The following RIC1 variants were observed in gnomAD, a reference collection of about 807,000 sequenced individuals.
The protein encoded by RIC1 is RIC1 partner of RAB6A GEF complex.
In RIC1, 88 loss-of-function variants were observed where a neutral mutation model predicts 169.0. The observed-to-expected ratio is 0.52, with a 90% confidence interval of 0.44 to 0.62. The LOEUF is 0.62. Among genes scored for constraint, RIC1 ranks in the 20% least tolerant of loss-of-function variants. The pLI is 0.00. For missense variants in RIC1, 1,877 were observed against 1,725.5 expected (o/e 1.09, Z -1.56); for synonymous variants, 790 against 601.5 (o/e 1.31, Z -4.59).
At chr9:5,673,405 G>T (rs1820230030) in intron 2 of RIC1, among the ~76,000 whole-genome samples, 1 of 151,336 alleles carries the variant, frequency 6.6e-6, no homozygotes, top group Non-Finnish European at 1.5e-5. Flanking sequence ...GTGTTACTGG[G>T]AATTAATGTA....
intron 17 of RIC1, among the ~76,000 whole-genome samples, chr9:5,760,720 AT>A: frequency 6.6e-6 from 1 of 152,114 alleles, no homozygotes; most frequent in African/African-American, 2.4e-5. Context: ...TAGATAACCA[AT>A]TTTTTTATTT....
At chr9:5,754,055 C>T (rs750658486) in intron 14 of RIC1, among the ~76,000 whole-genome samples, 2 of 152,032 alleles carry the variant, frequency 1.3e-5, no homozygotes, top group Admixed American at 6.6e-5. Context: ...TGTACATATA[C>T]GCATGCAGTT....
intron 6 of RIC1, among the ~76,000 whole-genome samples, chr9:5,727,569 C>G (rs1012128503): frequency 5.9e-5 from 9 of 152,338 alleles, no homozygotes; most frequent in East Asian, 1.9e-4. Flanking sequence ...CTCCATCGAG[C>G]TTTGTTCCAT....
At chr9:5,725,800 C>T (rs1823938098) in intron 6 of RIC1, among the ~76,000 whole-genome samples, 1 of 152,054 alleles carries the variant, frequency 6.6e-6, no homozygotes, top group African/African-American at 2.4e-5. Context: ...TTATTTCTGC[C>T]TTCATTTCGT....
rs182041709 is a variant in RIC1 at position 5,669,361 on chromosome 9, A to G, written c.252+12671A>G. Among the ~76,000 whole-genome samples the G allele has an allele frequency of 4.9e-4, 74 of 152,282 alleles. 1 individual carries two copies. In the East Asian group the frequency reaches 0.01, roughly 21 times the overall value. On this transcript the variant is annotated intron_variant, in intron 2 of 25. Transcript: ENST00000414202. The stretch of plus-strand genomic sequence containing the variant: ...TTGTGTTCTCACAGCTTAGCTCCCA[A>G]TTATGAGTGAGAACGTAGGATGTTT...
chr9:5,705,192 G>GTTTTTT (rs35035828), intron 3 of RIC1, among the ~76,000 whole-genome samples: 2 of 113,406 alleles, frequency 1.8e-5, no homozygotes, highest in African/African-American at 3.2e-5. Flanking sequence ...TCCCATTTCT[G>GTTTTTT]TTTTTTTTTT....
At chr9:5,713,811 T>C in intron 3 of RIC1, 85 bp from the exon 4 acceptor site, 1 of 778,430 alleles carries the variant, frequency 1.3e-6, no homozygotes, top group Non-Finnish European at 2.1e-6. Context: ...TTTTATTTCA[T>C]TTACTTTATT....
At chr9:5,637,936 G>A (rs562066002) in intron 1 of RIC1, among the ~76,000 whole-genome samples, 3 of 152,296 alleles carry the variant, frequency 2.0e-5, no homozygotes, top group African/African-American at 7.2e-5. Flanking sequence ...AGATCTTAGA[G>A]GAAAGGCTTT....
chr9:5,747,372 C>G lies in RIC1; in HGVS notation c.1319C>G (p.Thr440Ser), dbSNP rs768057439. Residue 440 changes from threonine (T) to serine (S), a missense_variant, in exon 12 of 26, where the codon ACC becomes AGC. Thr to Ser is a moderately conservative substitution (Grantham distance 58, BLOSUM62 1). Coordinates refer to ENST00000414202, the MANE Select transcript of RIC1 (RefSeq NM_020829.4). Reference sequence around the variant, plus strand: ...TTGAACTGTGGAGAGGCTTCACAAACCCAGAATCCCAGGAGTTCTTCAACA... The same window carrying G: ...TTGAACTGTGGAGAGGCTTCACAAAGCCAGAATCCCAGGAGTTCTTCAACA... ...LYLNCGEASQ[T>S]QNPRSSSTHS... 6 of 1,613,882 alleles carry G rather than the reference C, an allele frequency of 3.7e-6. No individual in the cohort carries two copies. The Admixed American group carries it at 1.0e-4, about 27-fold the overall frequency.
At chr9:5,666,463 C>T (rs1819769930) in intron 2 of RIC1, among the ~76,000 whole-genome samples, 2 of 152,012 alleles carry the variant, frequency 1.3e-5, no homozygotes, top group Middle Eastern at 3.4e-3. Flanking sequence ...TTATCTTGTT[C>T]TTGTTCTAGC....
chr9:5,734,241 G>T (rs184276157), intron 7 of RIC1, among the ~76,000 whole-genome samples: 1 of 151,656 alleles, frequency 6.6e-6, no homozygotes, highest in South Asian at 2.1e-4. Flanking sequence ...TGAGTAGCTC[G>T]GATTGCAGGC....
At chr9:5,742,797 T>TTAAA in intron 8 of RIC1, 72 bp from the exon 9 acceptor site, 1 of 798,620 alleles carries the variant, frequency 1.3e-6, no homozygotes, top group Non-Finnish European at 1.8e-6. Flanking sequence ...AGATTGTATT[T>TTAAA]GAAAAAAAAA....
intron 4 of RIC1, among the ~76,000 whole-genome samples, chr9:5,717,318 C>CT (rs1480747515): frequency 3.3e-5 from 5 of 151,970 alleles, no homozygotes; most frequent in African/African-American, 1.2e-4. Flanking sequence ...CAGTGATTTT[C>CT]TAGGGAGATA....
chr9:5,684,290 C>G (rs1821069725), intron 2 of RIC1, among the ~76,000 whole-genome samples: 1 of 28,564 alleles, frequency 3.5e-5, no homozygotes, highest in Non-Finnish European at 2.3e-4. Context: ...CCCCCCCCCC[C>G]CCCCCCCCCC....
rs148100937 is a variant in RIC1, at chr9:5,743,575, G to A, written c.1047-114G>A. ...AGTTTTGTATTTCATGCATTATTAT[G>A]TATTTCTATTTTAAAGGAGCAAAAT... On this transcript the variant is annotated intron_variant, in intron 9 of 25. Transcript: ENST00000414202. 2.3e-3 allele frequency: 1,808 copies of A among 777,072 alleles called. 19 individuals are homozygous for A. The African/African-American group carries it at 0.029, about 13-fold the overall frequency. 48.1% of individuals were successfully genotyped at this position (777,072 alleles called of 1,614,324 possible). A position where few individuals can be genotyped will look rare whatever the true frequency, so the allele number is the denominator to read the frequency against.
chr9:5,704,878 C>T (rs1822471979), intron 3 of RIC1, among the ~76,000 whole-genome samples: 1 of 152,012 alleles, frequency 6.6e-6, no homozygotes, highest in South Asian at 2.1e-4. Flanking sequence ...CAACTTAATT[C>T]TTTCGTAAAT....
chr9:5,652,018 G>A (rs769207065), intron 1 of RIC1, among the ~76,000 whole-genome samples: 2 of 152,166 alleles, frequency 1.3e-5, no homozygotes, highest in Admixed American at 6.5e-5. Flanking sequence ...TTGAAAATCA[G>A]TTGGCTGTAA....
In RIC1 at chr9:5,720,611, CAGT is replaced by C. The variant is rs755756115; in HGVS notation, c.584_586del (p.Val195del). Reference sequence around the variant, plus strand: ...TATTTCATGTGCTTATTTTTTTCATCAGTAGGTTCATTCCTGGGCTTCACAGAC... The same window carrying C: ...TATTTCATGTGCTTATTTTTTTCATCAGGTTCATTCCTGGGCTTCACAGAC... On this transcript the variant is annotated splice_acceptor_variant and coding_sequence_variant, in exon 6 of 26. Transcript: ENST00000414202. LOFTEE classifies it high-confidence loss of function. 11 of 1,577,994 alleles carry C rather than the reference CAGT, an allele frequency of 7.0e-6. No individual in the cohort carries two copies. Among genetic ancestry groups the C allele is most frequent in the African/African-American group, 5.5e-5 (4 of 72,404 alleles).
intron 3 of RIC1, among the ~76,000 whole-genome samples, chr9:5,703,973 G>A (rs1216777739): frequency 6.6e-6 from 1 of 151,288 alleles, no homozygotes; most frequent in Non-Finnish European, 1.5e-5. Context: ...CTGCCAGACT[G>A]TTTTCCCACA....
Sources: allele counts gnomAD v4.1 joint callset (sites outside exome capture counted in the v4.1 genomes callset), GRCh38; gene constraint gnomAD v4.1.1; transcripts MANE v1.5; gene names NCBI Gene and HGNC (gene_info 2026-07-23, HGNC 2026-07-21).